TDP2: variants seen among roughly 807,000 people sequenced by gnomAD.
TDP2 encodes the protein tyrosyl-DNA phosphodiesterase 2, also known as 5'-Tyr-DNA phosphodiesterase.
Under a neutral mutation model 42.8 loss-of-function variants are expected in TDP2, and 38 were observed. That is an observed-to-expected ratio of 0.89 (90% confidence interval 0.68 to 1.16). TDP2 has a LOEUF of 1.16. Ranked by LOEUF, TDP2 falls within the 50% of genes most tolerant of loss-of-function variation. The pLI, the probability that TDP2 is intolerant of heterozygous loss-of-function variation, is 0.00. For missense variants in TDP2, 439 were observed against 439.3 expected (o/e 1.00, Z 0.01); for synonymous variants, 173 against 150.6 (o/e 1.15, Z -1.09).
rs190365522 is a variant in TDP2 at position 24,658,428 on chromosome 6, T to A, written c.425+133A>T. ...GCAATCCTGCTCTCAGAGGCAATCA[T>A]CTTAATTCTTCAGATGTTTCTTCTC... is the stretch of plus-strand genomic sequence containing the variant. On this transcript the variant is annotated intron_variant, in intron 3 of 6. Coordinates refer to ENST00000378198, the MANE Select transcript of TDP2 (RefSeq NM_016614.3). The A allele has an allele frequency of 1.5e-5, 10 of 679,686 alleles. No homozygotes were observed. The East Asian group carries it at 2.8e-4, about 19-fold the overall frequency. The allele number at this position is 679,686 out of a possible 1,614,324, so 42.1% of individuals were successfully genotyped here. A position where few individuals can be genotyped will look rare whatever the true frequency, so the allele number is the denominator to read the frequency against.
In TDP2 at chr6:24,666,578, C is replaced by T. The variant is rs774266776; in HGVS notation, c.199G>A (p.Glu67Lys). ...GGTCGGCGTTCCAAGGCGCTCTCCT[C>T]CACCGGAGGCTCGAAGTAGGAGTTC... The part of the protein sequence containing the change: ...ALNSYFEPPV[E>K]ESALERRPET... Residue 67 changes from glutamate (E) to lysine (K), a missense_variant, in exon 2 of 7, where the codon GAG becomes AAG. Physicochemically the swap from Glu to Lys is moderately conservative, Grantham distance 56. Coordinates refer to ENST00000378198, the MANE Select transcript of TDP2 (RefSeq NM_016614.3). 3.3e-5 allele frequency: 54 copies of T among 1,614,086 alleles called. No individual in the cohort carries two copies. Among genetic ancestry groups the T allele is most frequent in the Non-Finnish European group, 4.2e-5 (50 of 1,180,028 alleles).
chr6:24,662,921 C>T (rs945492090), intron 2 of TDP2, among the ~76,000 whole-genome samples: 2 of 152,230 alleles, frequency 1.3e-5, no homozygotes, highest in Admixed American at 1.3e-4. Flanking sequence ...TCTTCTGTTT[C>T]ATAGCTGAAT....
chr6:24,657,152 G>C (rs528963454), intron 4 of TDP2, among the ~76,000 whole-genome samples: 1 of 152,328 alleles, frequency 6.6e-6, no homozygotes, highest in South Asian at 2.1e-4. Flanking sequence ...TTGGTCCTCT[G>C]TATCTGCATC....
chr6:24,653,829 C>G (rs1309968821), intron 5 of TDP2, among the ~76,000 whole-genome samples: 2 of 152,206 alleles, frequency 1.3e-5, no homozygotes, highest in Non-Finnish European at 2.9e-5. Flanking sequence ...ACACCTCTTG[C>G]AACTTGCAAA....
Position 24,658,152 on chromosome 6 carries a change from T to C in TDP2, c.426-249A>G, listed in dbSNP as rs183535626. Among the ~76,000 whole-genome samples the C allele has an allele frequency of 4.6e-5, 7 of 152,342 alleles. No individual in the cohort carries two copies. The East Asian group carries it at 1.3e-3, about 29-fold the overall frequency. ...AATAGAAACCGCCATATTGAGAGAC[T>C]TCAATGGTCCTACACACTAAGAGAT... On this transcript the variant is annotated intron_variant, in intron 3 of 6. Coordinates refer to ENST00000378198, the MANE Select transcript of TDP2 (RefSeq NM_016614.3).
intron 5 of TDP2, 145 bp from the exon 6 acceptor site, chr6:24,653,298 T>A: frequency 1.2e-6 from 1 of 860,828 alleles, no homozygotes; most frequent in Non-Finnish European, 1.8e-6. Context: ...TCCCTCCGGA[T>A]CAAAAGAAGT....
chr6:24,663,009 T>C (rs1182397927), intron 2 of TDP2, among the ~76,000 whole-genome samples: 1 of 152,158 alleles, frequency 6.6e-6, no homozygotes, highest in Non-Finnish European at 1.5e-5. Flanking sequence ...CACACACACC[T>C]TTTTTTCCAA....
intron 3 of TDP2, among the ~76,000 whole-genome samples, 194 bp downstream of exon 3, chr6:24,658,367 C>CT (rs1778089550): frequency 6.6e-6 from 1 of 152,208 alleles, no homozygotes; most frequent in Admixed American, 6.5e-5. Context: ...TAAAAGGCTT[C>CT]TAACGAAAAT....
Position 24,666,868 on chromosome 6 carries a change from T to C in TDP2, c.-6A>G, listed in dbSNP as rs762368465. On this transcript the variant is annotated 5_prime_UTR_variant, in exon 1 of 7. Coordinates refer to ENST00000378198, the MANE Select transcript of TDP2 (RefSeq NM_016614.3). Reference sequence around the variant, plus strand: ...AGGCAACTCCCCAACTCCATCTTCCTGCCGCCTCTGCACCGCCCCTTTAAG... The same window carrying C: ...AGGCAACTCCCCAACTCCATCTTCCCGCCGCCTCTGCACCGCCCCTTTAAG... 6.2e-7 allele frequency: 1 copy of C among 1,613,116 alleles called. No homozygotes were observed. Among genetic ancestry groups the C allele is most frequent in the Non-Finnish European group, 8.5e-7 (1 of 1,180,006 alleles).
At chr6:24,663,682 G>A (rs1351559615) in intron 2 of TDP2, among the ~76,000 whole-genome samples, 1 of 152,026 alleles carries the variant, frequency 6.6e-6, no homozygotes. Flanking sequence ...TTGCTCCTGC[G>A]CTCTCCATGT....
In TDP2 at chr6:24,650,434, G is replaced by C. The variant is rs901202231; in HGVS notation, c.*354C>G. 1.5e-5 allele frequency: 3 copies of C among 204,098 alleles called. No individual in the cohort carries two copies. Among genetic ancestry groups the C allele is most frequent in the African/African-American group, 7.0e-5 (3 of 42,600 alleles). The allele number at this position is 204,098 out of a possible 1,614,324, so 12.6% of individuals were successfully genotyped here. ...ATAATCTCTTATGTTTTCTTTTGAA[G>C]ACTTATTTCAAATATTAACTATTTC... On this transcript the variant is annotated 3_prime_UTR_variant, in exon 7 of 7. Coordinates refer to ENST00000378198, the MANE Select transcript of TDP2 (RefSeq NM_016614.3).
At chr6:24,664,918 G>A (rs1562151025) in intron 2 of TDP2, among the ~76,000 whole-genome samples, 2 of 152,134 alleles carry the variant, frequency 1.3e-5, no homozygotes, top group South Asian at 4.1e-4. Context: ...TGACACCATT[G>A]ATCAGCTTGA....
At position 24,666,706 on chromosome 6, in the gene TDP2, C is replaced by G. The variant is rs765688086; in HGVS notation, c.157G>C (p.Glu53Gln). The G allele has an allele frequency of 4.9e-5, 79 of 1,614,142 alleles. No homozygotes were observed. Among genetic ancestry groups the G allele is most frequent in the Non-Finnish European group, 6.6e-5 (78 of 1,180,052 alleles). ...GGACAGCGAAAGCGTACTTCCATCT[C>G]CCAGTCGTTCTCGGCCAGGAAGCAC... ...AQCFLAENDWEMERALNSYFE... is the reference protein window; with the variant it reads ...AQCFLAENDWQMERALNSYFE... Residue 53 changes from glutamate to glutamine, a missense_variant, in exon 1 of 7, where the codon GAG becomes CAG. Physicochemically the swap from Glu to Gln is conservative, Grantham distance 29. Coordinates refer to ENST00000378198, the MANE Select transcript of TDP2 (RefSeq NM_016614.3).
Position 24,666,546 on chromosome 6 carries a change from G to T in TDP2, c.231C>A (p.Thr77=), listed in dbSNP as rs1016016533. The T allele has an allele frequency of 1.2e-6, 2 of 1,614,100 alleles. No homozygotes were observed. The highest frequency in any genetic ancestry group is 1.7e-6 in the Non-Finnish European group (2 of 1,179,960). Residue 77 remains threonine (T), a synonymous_variant, in exon 2 of 7, where the codon ACC becomes ACA. Transcript: ENST00000378198. ...CTTACTAGGTCTTGGGCTCAGAGAT[G>T]GTTTCAGGTCGGCGTTCCAAGGCGC... is the stretch of plus-strand genomic sequence containing the variant. ...EESALERRPE[T]ISEPKTYVDL...
intron 4 of TDP2, among the ~76,000 whole-genome samples, chr6:24,655,862 T>G (rs1037334652): frequency 2.0e-5 from 3 of 152,204 alleles, no homozygotes; most frequent in African/African-American, 7.2e-5. Flanking sequence ...CACTGACAAT[T>G]GTGGGTCTCC....
chr6:24,654,422 A>G lies in TDP2; in HGVS notation c.626T>C (p.Leu209Ser), dbSNP rs781406884. The G allele has an allele frequency of 2.0e-6, 3 of 1,498,158 alleles. No individual in the cohort carries two copies. In the Admixed American group the frequency reaches 5.9e-5, roughly 30 times the overall value. The allele number at this position is 1,498,158 out of a possible 1,614,324, so 92.8% of individuals were successfully genotyped here. The change falls in exon 5 of 7, where the codon TTA becomes TCA. Residue 209 changes from leucine to serine, a missense_variant. Transcript: ENST00000378198. ...FPSTKMMRNL[L>S]CVHVNVSGNE... The stretch of plus-strand genomic sequence containing the variant: ...TTAAAAATTACTCACATGCACACAT[A>G]AAAGGTTTCTCATCATTTTGGTACT...
At chr6:24,658,439 C>G in intron 3 of TDP2, 122 bp downstream of exon 3, 1 of 716,994 alleles carries the variant, frequency 1.4e-6, no homozygotes, top group Non-Finnish European at 2.1e-6. Flanking sequence ...CTTAATTCTT[C>G]AGATGTTTCT....
chr6:24,650,673 G>GA lies in TDP2; in HGVS notation c.*114_*115insT. On this transcript the variant is annotated 3_prime_UTR_variant, in exon 7 of 7. Coordinates refer to ENST00000378198, the MANE Select transcript of TDP2 (RefSeq NM_016614.3). ...GAAAACACAACCATAAATCATAGTT[G>GA]GTTTTTCTGTGACAATGATCTAGTA... 1 of 972,628 alleles carries GA rather than the reference G, an allele frequency of 1.0e-6. No individual in the cohort carries two copies. The highest frequency in any genetic ancestry group is 1.5e-6 in the Non-Finnish European group (1 of 659,682). The allele number at this position is 972,628 out of a possible 1,614,324, so 60.2% of individuals were successfully genotyped here.
intron 2 of TDP2, among the ~76,000 whole-genome samples, chr6:24,659,692 T>C (rs2127618164): frequency 6.6e-6 from 1 of 152,374 alleles, no homozygotes; most frequent in South Asian, 2.1e-4. Flanking sequence ...TTGTGGCAGA[T>C]AAATAGGAAC....
Sources: allele counts gnomAD v4.1 joint callset (sites outside exome capture counted in the v4.1 genomes callset), GRCh38; gene constraint gnomAD v4.1.1; transcripts MANE v1.5; gene names NCBI Gene and HGNC (gene_info 2026-07-23, HGNC 2026-07-21).